NPAS3: variants seen among roughly 807,000 people sequenced by gnomAD.
NPAS3 encodes the protein neuronal PAS domain-containing protein 3.
In NPAS3, 14 loss-of-function variants were observed where a neutral mutation model predicts 73.1. That is an observed-to-expected ratio of 0.19 (90% CI 0.13 to 0.30). The LOEUF (loss-of-function observed/expected upper bound fraction) is 0.30. NPAS3 is among the 10% of genes least tolerant of loss of function. The probability of loss-of-function intolerance (pLI) is 1.00; values close to 1 mark genes in which losing one functional copy is unlikely to be tolerated. For missense variants in NPAS3, 1,096 were observed against 1,250.0 expected, an observed-to-expected ratio of 0.88 and a Z score of 1.86; for synonymous variants, 620 against 541.5, an observed-to-expected ratio of 1.14 and a Z score of -2.01.
At chr14:32,937,244 T>C (rs1253367883), upstream of NPAS3, among the ~76,000 whole-genome samples, 1 of 152,168 alleles carries the variant, frequency 6.6e-6, no homozygotes, top group East Asian at 1.9e-4. Context: ...TAGTTTCCGC[T>C]TGGATTTGTT....
chr14:32,991,301 A>G (rs2038323958), intron 1 of NPAS3, among the ~76,000 whole-genome samples: 2 of 152,130 alleles, frequency 1.3e-5, no homozygotes, highest in African/African-American at 2.4e-5. Context: ...TCTGGACATG[A>G]AGGGTAATGT....
At chr14:33,260,102 G>A (rs2048919296) in intron 3 of NPAS3, among the ~76,000 whole-genome samples, 1 of 152,094 alleles carries the variant, frequency 6.6e-6, no homozygotes, top group South Asian at 2.1e-4. Flanking sequence ...GTGTATATAA[G>A]TTTTTCCCAA....
rs1491245175 is a variant in NPAS3, at chr14:33,544,789, T to TATATATATATATATATATACAC, written c.469-15313_469-15312insCACATATATATATATATATATA. ...CATGTATGTGTTTATGTGTGTGTAT[T>TATATATATATATATATATACAC]ATATATATATATATATATATATGTA... is the stretch of plus-strand genomic sequence containing the variant. On this transcript the variant is annotated intron_variant, in intron 4 of 11. Coordinates refer to ENST00000356141, the Ensembl canonical transcript of NPAS3. Among the ~76,000 whole-genome samples, 22 of 77,664 alleles carry TATATATATATATATATATACAC rather than the reference T, an allele frequency of 2.8e-4. 1 individual carries two copies. Among genetic ancestry groups the TATATATATATATATATATACAC allele is most frequent in the African/African-American group, 1.4e-3 (21 of 14,720 alleles). The allele number at this position is 77,664 out of a possible 152,430, so 51.0% of individuals were successfully genotyped here. A position where few individuals can be genotyped will look rare whatever the true frequency, so the allele number is the denominator to read the frequency against.
At chr14:33,250,407 A>G (rs1166584393) in intron 3 of NPAS3, among the ~76,000 whole-genome samples, 1 of 152,116 alleles carries the variant, frequency 6.6e-6, no homozygotes, top group Non-Finnish European at 1.5e-5. Flanking sequence ...CCAATTTGCC[A>G]GCAATAAAGT....
intron 7 of NPAS3, among the ~76,000 whole-genome samples, chr14:33,746,751 A>T (rs9671822): frequency 0.099 from 14,728 of 148,602 alleles, 1,717 homozygotes; most frequent in African/African-American, 0.3. Flanking sequence ...TTCTTTTTTT[A>T]TTATTATTAT....
At chr14:33,509,653 G>A (rs560940543) in intron 4 of NPAS3, among the ~76,000 whole-genome samples, 28 of 152,042 alleles carry the variant, frequency 1.8e-4, no homozygotes, top group Admixed American at 3.3e-4. Flanking sequence ...GGGGCCTTGC[G>A]TAATTCACTA....
chr14:32,952,645 C>A (rs2139153724), intron 1 of NPAS3, among the ~76,000 whole-genome samples: 1 of 152,056 alleles, frequency 6.6e-6, no homozygotes, highest in South Asian at 2.1e-4. Context: ...GGGTAAATGT[C>A]ATGAATTGGG....
At chr14:33,438,934 T>C (rs2049110794) in intron 4 of NPAS3, among the ~76,000 whole-genome samples, 1 of 152,208 alleles carries the variant, frequency 6.6e-6, no homozygotes, top group East Asian at 1.9e-4. Flanking sequence ...GTCAGTGACA[T>C]ACCTACATTT....
At chr14:32,941,400 ATC>A in intron 1 of NPAS3, among the ~76,000 whole-genome samples, 1 of 145,208 alleles carries the variant, frequency 6.9e-6, no homozygotes, top group Non-Finnish European at 1.5e-5. Context: ...GGCCCCAGTA[ATC>A]TCTCTAGCAA....
intron 2 of NPAS3, among the ~76,000 whole-genome samples, chr14:33,198,075 C>G (rs933915835): frequency 3.1e-5 from 3 of 95,978 alleles, no homozygotes; most frequent in African/African-American, 9.5e-5. Context: ...TTCCTCCCGT[C>G]CAGAGTTGTT....
chr14:33,543,983 A>ATATATC (rs2054649885), intron 4 of NPAS3, among the ~76,000 whole-genome samples: 2 of 36,670 alleles, frequency 5.5e-5, no homozygotes, highest in African/African-American at 5.2e-4. Flanking sequence ...ATATATATAT[A>ATATATC]TATATATATA....
chr14:33,532,053 G>A (rs2054070081), intron 4 of NPAS3, among the ~76,000 whole-genome samples: 1 of 152,092 alleles, frequency 6.6e-6, no homozygotes, highest in Non-Finnish European at 1.5e-5. Context: ...CAAATGTTAG[G>A]AAATCTCAAC....
intron 1 of NPAS3, among the ~76,000 whole-genome samples, chr14:33,051,280 C>CAA (rs1236766783): frequency 6.2e-5 from 4 of 64,250 alleles, no homozygotes; most frequent in African/African-American, 6.4e-5. Context: ...GACTCCGTCT[C>CAA]AAAAAAAAAA....
At chr14:33,321,424 C>A (rs1002402190) in intron 3 of NPAS3, among the ~76,000 whole-genome samples, 9 of 151,996 alleles carry the variant, frequency 5.9e-5, no homozygotes, top group Admixed American at 5.2e-4. Flanking sequence ...TAAGGCATAT[C>A]TCTATCGTTA....
At chr14:33,184,053 C>T (rs960266366) in intron 2 of NPAS3, among the ~76,000 whole-genome samples, 6 of 152,126 alleles carry the variant, frequency 3.9e-5, no homozygotes, top group Admixed American at 1.3e-4. Flanking sequence ...ATAATTTCTC[C>T]TTCGTAGCAT....
At chr14:33,307,939 C>A (rs1039690301) in intron 3 of NPAS3, among the ~76,000 whole-genome samples, 2 of 152,104 alleles carry the variant, frequency 1.3e-5, no homozygotes, top group Admixed American at 6.5e-5. Flanking sequence ...GAACACTACC[C>A]CTCATGTAGC....
rs998030668 is a variant in NPAS3 at position 33,482,058 on chromosome 14, T to G, written c.469-78063T>G. Among the ~76,000 whole-genome samples, 62 of 151,414 alleles carry G rather than the reference T, an allele frequency of 4.1e-4. 1 individual carries two copies. Among genetic ancestry groups the G allele is most frequent in the African/African-American group, 1.2e-3 (50 of 41,232 alleles). ...ATTCATGAACTCAGAAGCAAGTTTT[T>G]TTTTTTTTTTTTTAAGATACCCGTG... On this transcript the variant is annotated intron_variant, in intron 4 of 11. Coordinates refer to ENST00000356141, the Ensembl canonical transcript of NPAS3.
At chr14:33,261,481 A>G (rs914725658) in intron 3 of NPAS3, among the ~76,000 whole-genome samples, 3 of 152,116 alleles carry the variant, frequency 2.0e-5, no homozygotes, top group Non-Finnish European at 2.9e-5. Context: ...TATTTAAAAG[A>G]TAGTAACTCT....
chr14:32,934,915 G>T (rs1383852110), upstream of NPAS3: 2 of 1,027,556 alleles, frequency 1.9e-6, no homozygotes, highest in Non-Finnish European at 2.3e-6. This position sits in a 1 kb window ranked among gnomAD's most constrained non-coding sequence, Gnocchi z 4.1. Context: ...GGCCGCGGGG[G>T]TGCCGGCCGG....
Sources: allele counts gnomAD v4.1 joint callset (sites outside exome capture counted in the v4.1 genomes callset), GRCh38; gene constraint gnomAD v4.1.1; non-coding constraint Gnocchi (gnomAD v3.1); transcripts MANE v1.5; gene names NCBI Gene and HGNC (gene_info 2026-07-23, HGNC 2026-07-21).